The following SLC44A1 variants were observed in gnomAD, a reference collection of about 807,000 sequenced individuals.
SLC44A1 encodes the protein choline transporter-like protein 1.
SLC44A1 carries 26 observed loss-of-function variants against 79.3 expected under a neutral mutation model. That is an observed-to-expected ratio of 0.33 (90% CI 0.24 to 0.46). The LOEUF is 0.46. SLC44A1 is among the 20% of genes least tolerant of loss of function. The probability of loss-of-function intolerance (pLI) is 1.00; values close to 1 mark genes in which losing one functional copy is unlikely to be tolerated. For missense variants in SLC44A1, 688 were observed against 798.1 expected (o/e 0.86, Z 1.66); for synonymous variants, 263 against 286.2 (o/e 0.92, Z 0.82).
At chr9:105,332,228 T>C (rs1169941188) in intron 3 of SLC44A1, among the ~76,000 whole-genome samples, 1 of 150,828 alleles carries the variant, frequency 6.6e-6, no homozygotes, top group African/African-American at 2.4e-5. Context: ...CAAGCGATTC[T>C]CCTGCCTCAG....
intron 1 of SLC44A1, among the ~76,000 whole-genome samples, chr9:105,256,660 T>C (rs761103008): frequency 6.6e-6 from 1 of 151,770 alleles, no homozygotes; most frequent in Admixed American, 6.6e-5. Flanking sequence ...TCTCCTGGGC[T>C]CAAGCTATCC....
rs1828891829 is a variant in SLC44A1 at position 105,397,099 on chromosome 9, A to G, written c.*8043A>G. 2.0e-6 allele frequency: 2 copies of G among 985,296 alleles called. No homozygotes were observed. The highest frequency in any genetic ancestry group is 9.4e-5 in the South Asian group (2 of 21,290). The allele number at this position is 985,296 out of a possible 1,614,324, so 61.0% of individuals were successfully genotyped here. ...TTGGAGTTATCAAATCTTGCTGGGAAATTAACTTCCAAGAGCTCTGAATTG... is the reference window on the plus strand; with the variant it reads ...TTGGAGTTATCAAATCTTGCTGGGAGATTAACTTCCAAGAGCTCTGAATTG... On this transcript the variant is annotated 3_prime_UTR_variant, in exon 16 of 16. Transcript: ENST00000374720.
intron 2 of SLC44A1, among the ~76,000 whole-genome samples, chr9:105,302,010 A>G (rs1034906914): frequency 1.3e-5 from 2 of 152,128 alleles, no homozygotes; most frequent in South Asian, 4.1e-4. Flanking sequence ...ACTCATCTCT[A>G]CCATTAAATC....
intron 2 of SLC44A1, among the ~76,000 whole-genome samples, chr9:105,308,167 A>G (rs1353614966): frequency 6.6e-6 from 1 of 152,234 alleles, no homozygotes; most frequent in Non-Finnish European, 1.5e-5. Flanking sequence ...AAATGGACTC[A>G]TCAGTATTCC....
chr9:105,415,117 GTTA>G (rs1000065255), intron 15 of SLC44A1, among the ~76,000 whole-genome samples: 1 of 152,200 alleles, frequency 6.6e-6, no homozygotes, highest in African/African-American at 2.4e-5. Context: ...TAACTGGGAA[GTTA>G]TTAAGGGCAC....
chr9:105,374,183 A>G lies in SLC44A1; in HGVS notation c.1495-415A>G, dbSNP rs1460422302. Among the ~76,000 whole-genome samples, 4 of 152,338 alleles carry G rather than the reference A, an allele frequency of 2.6e-5. No individual in the cohort carries two copies. The East Asian group carries it at 7.7e-4, about 29-fold the overall frequency. ...TAGTGGATAGTCCAGATAAAACACC[A>G]TAGCAATCTGATGCTCACACCTGCC... On this transcript the variant is annotated intron_variant, in intron 12 of 15. Transcript: ENST00000374720.
At chr9:105,274,192 G>C (rs1341263688) in intron 1 of SLC44A1, among the ~76,000 whole-genome samples, 2 of 152,034 alleles carry the variant, frequency 1.3e-5, no homozygotes, top group African/African-American at 4.8e-5. Context: ...CATTTTACCA[G>C]ATGTTCCCCT....
Position 105,393,041 on chromosome 9 carries a change from T to C in SLC44A1, c.*3985T>C. ...TGCCACAGTTAATTTCTGTATTCTTTTCATACATTCCATCTGACACATACG... is the reference window on the plus strand; with the variant it reads ...TGCCACAGTTAATTTCTGTATTCTTCTCATACATTCCATCTGACACATACG... On this transcript the variant is annotated 3_prime_UTR_variant, in exon 16 of 16. Transcript: ENST00000374720. 8.1e-6 allele frequency: 8 copies of C among 985,340 alleles called. No homozygotes were observed. The highest frequency in any genetic ancestry group is 9.6e-6 in the Non-Finnish European group (8 of 829,812). 61.0% of individuals were successfully genotyped at this position (985,340 alleles called of 1,614,324 possible). A position where few individuals can be genotyped will look rare whatever the true frequency, so the allele number is the denominator to read the frequency against.
chr9:105,393,080 G>A lies in SLC44A1; in HGVS notation c.*4024G>A. ...CTGACACATACGAGTGCACTATAAT[G>A]GCTTGCCTAGAACTGGTAAGAAGTG... On this transcript the variant is annotated 3_prime_UTR_variant, in exon 16 of 16. Coordinates refer to ENST00000374720, the MANE Select transcript of SLC44A1 (RefSeq NM_080546.5). 1 of 985,358 alleles carries A rather than the reference G, an allele frequency of 1.0e-6. No homozygotes were observed. Among genetic ancestry groups the A allele is most frequent in the Non-Finnish European group, 1.2e-6 (1 of 829,868 alleles). 61.0% of individuals were successfully genotyped at this position (985,358 alleles called of 1,614,324 possible).
At chr9:105,422,077 A>G (rs1237072387) in intron 15 of SLC44A1, among the ~76,000 whole-genome samples, 2 of 152,160 alleles carry the variant, frequency 1.3e-5, no homozygotes, top group African/African-American at 2.4e-5. Flanking sequence ...TACCTGAGTG[A>G]TGACAATAAG....
At chr9:105,358,315 A>G (rs765343590) in intron 6 of SLC44A1, 29 bp from the exon 7 acceptor site, 1 of 1,210,234 alleles carries the variant, frequency 8.3e-7, no homozygotes, top group South Asian at 1.3e-5. Context: ...TTCAAATAAT[A>G]TTCTATATGT....
At chr9:105,293,381 G>A (rs914996364) in intron 1 of SLC44A1, among the ~76,000 whole-genome samples, 3 of 152,140 alleles carry the variant, frequency 2.0e-5, no homozygotes, top group Admixed American at 2.0e-4. Context: ...TATGAAAAGG[G>A]AGCAGGAATA....
chr9:105,262,522 A>C (rs1476419774), intron 1 of SLC44A1, among the ~76,000 whole-genome samples: 7 of 152,208 alleles, frequency 4.6e-5, no homozygotes, highest in African/African-American at 1.4e-4. Flanking sequence ...AGATTCTAGA[A>C]ATTTTAAAGT....
At chr9:105,246,086 A>T (rs952630450) in intron 1 of SLC44A1, among the ~76,000 whole-genome samples, 10 of 152,096 alleles carry the variant, frequency 6.6e-5, no homozygotes, top group African/African-American at 2.4e-4. Flanking sequence ...TGTTTGTTTT[A>T]GGGGGCAGAA....
At chr9:105,404,391 C>T (rs1388801883) in intron 15 of SLC44A1, among the ~76,000 whole-genome samples, 1 of 152,018 alleles carries the variant, frequency 6.6e-6, no homozygotes, top group Non-Finnish European at 1.5e-5. Flanking sequence ...GGTTTGCATG[C>T]AATGCTGCAT....
At chr9:105,411,352 C>T (rs1008640270) in intron 15 of SLC44A1, among the ~76,000 whole-genome samples, 6 of 151,574 alleles carry the variant, frequency 4.0e-5, no homozygotes, top group Middle Eastern at 6.8e-3. Flanking sequence ...TTCCCTTCTC[C>T]TTCCCCTTCC....
exon 16 of SLC44A1, chr9:105,438,360 C>T (rs1829490228): frequency 2.3e-6 from 3 of 1,324,030 alleles, no homozygotes; most frequent in Non-Finnish European, 3.2e-6. Flanking sequence ...CTCCCACTCA[C>T]CAGCTGTTGA....
Position 105,356,336 on chromosome 9 carries a change from A to G in SLC44A1, c.625A>G (p.Met209Val). 6.2e-7 allele frequency: 1 copy of G among 1,607,662 alleles called. No individual in the cohort carries two copies. The highest frequency in any genetic ancestry group is 1.1e-5 in the South Asian group (1 of 90,016). The change falls in exon 6 of 16, where the codon ATG becomes GTG. Residue 209 changes from methionine (M) to valine (V), a missense_variant. Transcript: ENST00000374720. ...CTTACACAGGCTGATTAGTGGAGTA[A>G]TGACCAGCAAAGAAATTATATTGGG... ...SVLHRLISGV[M>V]TSKEIILGLC...
At chr9:105,284,326 A>G (rs1830426983) in intron 1 of SLC44A1, among the ~76,000 whole-genome samples, 1 of 151,728 alleles carries the variant, frequency 6.6e-6, no homozygotes, top group African/African-American at 2.4e-5. Flanking sequence ...CAGCCTCCCA[A>G]AGTGCTGGGA....
Sources: allele counts gnomAD v4.1 joint callset (sites outside exome capture counted in the v4.1 genomes callset), GRCh38; gene constraint gnomAD v4.1.1; transcripts MANE v1.5; gene names NCBI Gene and HGNC (gene_info 2026-07-23, HGNC 2026-07-21).